CA10: variants seen among roughly 807,000 people sequenced by gnomAD.
CA10 encodes the protein carbonic anhydrase-related protein 10.
CA10 carries 14 observed loss-of-function variants against 44.2 expected under a neutral mutation model. The ratio of observed to expected loss-of-function variants is 0.32; its 90% CI spans 0.21 to 0.50. CA10 has a LOEUF of 0.50. CA10 is among the 20% of genes least tolerant of loss of function. The pLI, the probability that CA10 is intolerant of heterozygous loss-of-function variation, is 0.99. For missense variants in CA10, 350 were observed against 409.7 expected, an observed-to-expected ratio of 0.85 and a Z score of 1.26; for synonymous variants, 159 against 141.6, an observed-to-expected ratio of 1.12 and a Z score of -0.87.
At chr17:51,740,447 G>T (rs551807351) in intron 4 of CA10, among the ~76,000 whole-genome samples, 1 of 152,144 alleles carries the variant, frequency 6.6e-6, no homozygotes, top group Admixed American at 6.5e-5. Context: ...CAGAAGACCC[G>T]AACTAAGTCC....
intron 2 of CA10, among the ~76,000 whole-genome samples, chr17:51,937,698 G>A (rs1276646800): frequency 6.6e-6 from 1 of 152,120 alleles, no homozygotes; most frequent in Non-Finnish European, 1.5e-5. Context: ...AGGACACTCA[G>A]TATGGTGGGA....
chr17:51,728,279 C>G (rs7225536), intron 4 of CA10, among the ~76,000 whole-genome samples: 29,401 of 152,040 alleles, frequency 0.19, 3,236 homozygotes, highest in East Asian at 0.34. Context: ...TCCATCTTCC[C>G]TTAACTTTTT....
At chr17:51,715,980 G>A (rs1212895696) in intron 4 of CA10, among the ~76,000 whole-genome samples, 9 of 152,142 alleles carry the variant, frequency 5.9e-5, no homozygotes, top group African/African-American at 2.2e-4. Flanking sequence ...ATAAGCCACC[G>A]TGCCCGGCCC....
intron 4 of CA10, among the ~76,000 whole-genome samples, chr17:51,709,465 T>A (rs1047108521): frequency 1.3e-5 from 2 of 152,118 alleles, no homozygotes; most frequent in African/African-American, 2.4e-5. Flanking sequence ...CCCAGCCACA[T>A]GAAGATTTAA....
Position 51,944,073 on chromosome 17 carries a change from AGGTTAC to A in CA10, c.137-12947_137-12942del, listed in dbSNP as rs1983185402. Among the ~76,000 whole-genome samples the A allele has an allele frequency of 2.6e-5, 4 of 152,138 alleles. No homozygotes were observed. In the East Asian group the frequency reaches 7.7e-4, roughly 29 times the overall value. On this transcript the variant is annotated intron_variant, in intron 2 of 8. Coordinates refer to ENST00000451037, the MANE Select transcript of CA10 (RefSeq NM_020178.5). ...CGTCCACCAAACAACCTTTGGATAG[AGGTTAC>A]CAAGTGTTCTAATCCCAAGAAAGAA...
At chr17:51,830,706 A>T (rs906903614) in intron 3 of CA10, among the ~76,000 whole-genome samples, 2 of 152,172 alleles carry the variant, frequency 1.3e-5, no homozygotes, top group African/African-American at 2.4e-5. Flanking sequence ...CACCTGACAG[A>T]GGGGAGAGAG....
intron 2 of CA10, among the ~76,000 whole-genome samples, chr17:52,055,525 T>C (rs780032277): frequency 6.6e-6 from 1 of 152,182 alleles, no homozygotes; most frequent in East Asian, 1.9e-4. Flanking sequence ...GAACAGCATG[T>C]TGGAGGCTCC....
intron 2 of CA10, among the ~76,000 whole-genome samples, chr17:51,937,042 A>C (rs952319564): frequency 6.6e-6 from 1 of 152,178 alleles, no homozygotes; most frequent in African/African-American, 2.4e-5. Context: ...GAAGACACTC[A>C]GCTAAAGCAA....
chr17:51,945,663 AG>A (rs1242537892), intron 2 of CA10, among the ~76,000 whole-genome samples: 2 of 152,124 alleles, frequency 1.3e-5, no homozygotes, highest in Non-Finnish European at 1.5e-5. Flanking sequence ...AAAACCACTT[AG>A]TAGAGCTAGC....
chr17:51,869,106 A>AG (rs912156958), intron 3 of CA10, among the ~76,000 whole-genome samples: 4 of 152,112 alleles, frequency 2.6e-5, no homozygotes, highest in East Asian at 1.9e-4. Flanking sequence ...ATAAATTATC[A>AG]GGGGGGAAAA....
rs565095345 is a variant in CA10, at chr17:52,036,247, G to A, written c.136+36072C>T. On this transcript the variant is annotated intron_variant, in intron 2 of 8. Coordinates refer to ENST00000451037, the MANE Select transcript of CA10 (RefSeq NM_020178.5). ...GATCCAATTTTGTTAAGTGAGATCA[G>A]ACAGCAAGTAAAAGAATTTAGGCTT... Among the ~76,000 whole-genome samples, 18 of 151,824 alleles carry A rather than the reference G, an allele frequency of 1.2e-4. 1 individual carries two copies. The South Asian group carries it at 3.5e-3, about 30-fold the overall frequency.
intron 5 of CA10, among the ~76,000 whole-genome samples, chr17:51,652,011 G>A (rs895522425): frequency 4.6e-5 from 7 of 152,194 alleles, no homozygotes; most frequent in Non-Finnish European, 8.8e-5. Flanking sequence ...TGAGTAGCAT[G>A]GGGTTGTGGG....
chr17:51,912,703 A>G (rs1567882498), intron 3 of CA10, among the ~76,000 whole-genome samples: 2 of 152,194 alleles, frequency 1.3e-5, no homozygotes, highest in East Asian at 1.9e-4. Flanking sequence ...ATTTTCATCC[A>G]TTATAAGAGG....
At chr17:51,810,413 T>G (rs1907313184) in intron 3 of CA10, among the ~76,000 whole-genome samples, 1 of 152,170 alleles carries the variant, frequency 6.6e-6, no homozygotes, top group Admixed American at 6.5e-5. Context: ...GAAGGCTTCC[T>G]GCAGAAGGTG....
chr17:52,093,280 T>A (rs751353747), intron 1 of CA10, among the ~76,000 whole-genome samples: 4 of 152,166 alleles, frequency 2.6e-5, no homozygotes, highest in Non-Finnish European at 5.9e-5. Flanking sequence ...CATAGAATTA[T>A]CTCCCAATCT....
intron 4 of CA10, among the ~76,000 whole-genome samples, chr17:51,694,361 G>A (rs1915329355): frequency 1.3e-5 from 2 of 152,166 alleles, no homozygotes; most frequent in South Asian, 4.1e-4. Context: ...ACTTGTGTGA[G>A]ATGGTATCTC....
At chr17:51,831,693 G>GCAGCATCAGCAC (rs968557824) in intron 3 of CA10, among the ~76,000 whole-genome samples, 15 of 80,962 alleles carry the variant, frequency 1.9e-4, no homozygotes, top group African/African-American at 5.2e-4. Flanking sequence ...AGCAGCAGCA[G>GCAGCATCAGCAC]CAGCAGCAGC....
At chr17:51,912,509 C>T (rs891331306) in intron 3 of CA10, among the ~76,000 whole-genome samples, 1 of 152,176 alleles carries the variant, frequency 6.6e-6, no homozygotes, top group Non-Finnish European at 1.5e-5. Context: ...AAGAAAAAAA[C>T]TTGCCTGCCA....
intron 2 of CA10, among the ~76,000 whole-genome samples, chr17:51,991,300 C>A (rs897027123): frequency 6.6e-6 from 1 of 152,092 alleles, no homozygotes; most frequent in Non-Finnish European, 1.5e-5. Flanking sequence ...TTTCTAATGG[C>A]CAGCTGCAAA....
Sources: allele counts gnomAD v4.1 joint callset (sites outside exome capture counted in the v4.1 genomes callset), GRCh38; gene constraint gnomAD v4.1.1; transcripts MANE v1.5; gene names NCBI Gene and HGNC (gene_info 2026-07-23, HGNC 2026-07-21).